The following MINK1 variants were observed in gnomAD, a reference collection of about 807,000 sequenced individuals.
MINK1 encodes misshapen-like kinase 1.
MINK1 carries 46 observed loss-of-function variants against 178.4 expected under a neutral mutation model. The ratio of observed to expected loss-of-function variants is 0.26; its 90% CI spans 0.20 to 0.33. The LOEUF is 0.33. Ranked by LOEUF, MINK1 falls within the 10% of genes least tolerant of loss-of-function variation. The probability of loss-of-function intolerance (pLI) is 1.00; values close to 1 mark genes in which losing one functional copy is unlikely to be tolerated. For synonymous variants in MINK1, 797 were observed against 709.7 expected (o/e 1.12, Z -1.96); for missense variants, 1,366 against 1,814.9 (o/e 0.75, Z 4.49).
intron 17 of MINK1, 33 bp downstream of exon 17, chr17:4,892,267 G>A (rs1297001363): frequency 7.8e-6 from 12 of 1,541,730 alleles, no homozygotes; most frequent in Non-Finnish European, 1.1e-5. Flanking sequence ...CCTGGGTGAG[G>A]TCTGAGGGCA....
At chr17:4,848,680 A>G (rs1406762698) in intron 1 of MINK1, among the ~76,000 whole-genome samples, 1 of 149,710 alleles carries the variant, frequency 6.7e-6, no homozygotes, top group African/African-American at 2.5e-5. Flanking sequence ...ATTTTTTAGT[A>G]GAGATGGGGT....
At chr17:4,863,531 C>T (rs111755727) in intron 1 of MINK1, among the ~76,000 whole-genome samples, 10 of 152,182 alleles carry the variant, frequency 6.6e-5, no homozygotes, top group African/African-American at 2.2e-4. Context: ...GTGGAAAACC[C>T]GGTCCTTTAG....
At chr17:4,882,610 C>T (rs1307313836) in intron 4 of MINK1, among the ~76,000 whole-genome samples, 1 of 152,174 alleles carries the variant, frequency 6.6e-6, no homozygotes, top group African/African-American at 2.4e-5. Context: ...CTGTGAAGGG[C>T]CAGATGGTAA....
chr17:4,878,494 T>TA, intron 2 of MINK1, 112 bp downstream of exon 2: 1 of 970,832 alleles, frequency 1.0e-6, no homozygotes. Flanking sequence ...TGGGAGATGC[T>TA]AGAGTCTAGG....
Position 4,895,990 on chromosome 17 carries a change from C to T in MINK1, c.3365-13C>T. 3 of 1,584,118 alleles carry T rather than the reference C, an allele frequency of 1.9e-6. No homozygotes were observed. Among genetic ancestry groups the T allele is most frequent in the Non-Finnish European group, 2.6e-6 (3 of 1,165,186 alleles). ...AGGGAAGTCTCAGCATCCCTCTTCT[C>T]TCCCGCCCCCAGTGAAATACGAGCG... On this transcript the variant is annotated splice_polypyrimidine_tract_variant and intron_variant, in intron 27 of 31. Transcript: ENST00000355280. The surrounding 1 kb of genome is among the most constrained non-coding windows in gnomAD (Gnocchi z 4.3).
chr17:4,834,076 A>G (rs911769778), intron 1 of MINK1, among the ~76,000 whole-genome samples: 2 of 151,580 alleles, frequency 1.3e-5, no homozygotes, highest in Non-Finnish European at 2.9e-5. Flanking sequence ...TGACTTTGCA[A>G]CTGTCTCGAC....
intron 1 of MINK1, among the ~76,000 whole-genome samples, chr17:4,851,582 C>G (rs1020270932): frequency 6.6e-6 from 1 of 152,178 alleles, no homozygotes; most frequent in African/African-American, 2.4e-5. Context: ...GCGCTGAGCT[C>G]TTTTCTCCTC....
At chr17:4,893,349 G>T (rs201288883) in intron 20 of MINK1, 85 bp from the exon 21 acceptor site, 2 of 1,613,148 alleles carry the variant, frequency 1.2e-6, no homozygotes, top group South Asian at 1.1e-5. Flanking sequence ...CCCTCCTGTC[G>T]CCCTGCTGGG....
intron 1 of MINK1, among the ~76,000 whole-genome samples, chr17:4,871,678 G>C (rs957029421): frequency 6.6e-6 from 1 of 152,102 alleles, no homozygotes; most frequent in African/African-American, 2.4e-5. Flanking sequence ...CAGTTTTCTT[G>C]AGTATCTACC....
In MINK1 at chr17:4,897,583, A is replaced by G. The variant is rs1250762860; in HGVS notation, c.*296A>G. 2.3e-5 allele frequency: 8 copies of G among 346,774 alleles called. No individual in the cohort carries two copies. Among genetic ancestry groups the G allele is most frequent in the Non-Finnish European group, 3.7e-5 (7 of 187,572 alleles). 21.5% of individuals were successfully genotyped at this position (346,774 alleles called of 1,614,324 possible). A position where few individuals can be genotyped will look rare whatever the true frequency, so the allele number is the denominator to read the frequency against. On this transcript the variant is annotated 3_prime_UTR_variant, in exon 32 of 32. Transcript: ENST00000355280. ...GCCCCTCCCCCCTTTTCTCCATTTG[A>G]GAGGAGAGTGCTTGGGGCTTGAACC...
intron 21 of MINK1, 112 bp downstream of exon 21, chr17:4,893,709 C>T: frequency 7.3e-7 from 1 of 1,370,976 alleles, no homozygotes. Flanking sequence ...CGGCTCCCTT[C>T]TCTAGAGAGT....
chr17:4,858,831 G>A (rs1363698160), intron 1 of MINK1, among the ~76,000 whole-genome samples: 1 of 152,190 alleles, frequency 6.6e-6, no homozygotes, highest in African/African-American at 2.4e-5. Flanking sequence ...GTCCTGGTAT[G>A]GTTAGTAACA....
intron 1 of MINK1, among the ~76,000 whole-genome samples, chr17:4,877,696 C>T (rs889198099): frequency 4.0e-5 from 6 of 149,604 alleles, no homozygotes; most frequent in South Asian, 2.1e-4. Flanking sequence ...GGAAGGTACT[C>T]GGGCACCCTC....
At chr17:4,867,038 C>T (rs1309833167) in intron 1 of MINK1, among the ~76,000 whole-genome samples, 1 of 143,990 alleles carries the variant, frequency 6.9e-6, no homozygotes, top group Non-Finnish European at 1.5e-5. Context: ...GTGCCGCTTG[C>T]ACTCCAGCCT....
At chr17:4,884,237 A>G in intron 4 of MINK1, 126 bp from the exon 5 acceptor site, 1 of 688,756 alleles carries the variant, frequency 1.5e-6, no homozygotes, top group Non-Finnish European at 2.6e-6. Flanking sequence ...CTTGCTCTCT[A>G]GCTCATACCA....
At chr17:4,877,411 C>T (rs1967278183) in intron 1 of MINK1, among the ~76,000 whole-genome samples, 2 of 152,258 alleles carry the variant, frequency 1.3e-5, no homozygotes, top group African/African-American at 4.8e-5. Flanking sequence ...CTCACCATCA[C>T]CTGCTGACTC....
chr17:4,896,254 G>T lies in MINK1; in HGVS notation c.3527G>T (p.Arg1176Leu), dbSNP rs774988040. 6.2e-7 allele frequency: 1 copy of T among 1,607,184 alleles called. No individual in the cohort carries two copies. Among genetic ancestry groups the T allele is most frequent in the Non-Finnish European group, 8.5e-7 (1 of 1,176,412 alleles). The change falls in exon 29 of 32, where the codon CGG (arginine) becomes CTG (leucine). Residue 1176 changes from arginine (R) to leucine (L), a missense_variant. Coordinates refer to ENST00000355280, the MANE Select transcript of MINK1 (RefSeq NM_153827.5). This position sits in a 1 kb window ranked among gnomAD's most constrained non-coding sequence, Gnocchi z 4.6. ...GACCTGACAGTAGAGGAGGGGCAGCGGCTCAAGGTCATCTATGGCTCCAGT... is the reference window on the plus strand; with the variant it reads ...GACCTGACAGTAGAGGAGGGGCAGCTGCTCAAGGTCATCTATGGCTCCAGT... ...LVDLTVEEGQ[R>L]LKVIYGSSAG...
At chr17:4,881,654 T>C (rs1967710626) in intron 4 of MINK1, among the ~76,000 whole-genome samples, 1 of 152,112 alleles carries the variant, frequency 6.6e-6, no homozygotes, top group Admixed American at 6.5e-5. Flanking sequence ...AGAACCAAAA[T>C]ATTTGTGGGA....
chr17:4,834,662 C>T (rs1886599068), intron 1 of MINK1: 2 of 466,304 alleles, frequency 4.3e-6, no homozygotes, highest in South Asian at 1.5e-5. Context: ...TAAGGGGCAA[C>T]TTAGTGATTT....
Sources: gnomAD v4.1 joint callset for allele counts (sites outside exome capture counted in the v4.1 genomes callset) on GRCh38, gnomAD v4.1.1 for gene constraint, Gnocchi (gnomAD v3.1) non-coding constraint, MANE v1.5 for transcripts, NCBI Gene and HGNC (gene_info 2026-07-23, HGNC 2026-07-21) for gene names.